EPS8: variants seen among roughly 807,000 people sequenced by gnomAD.
The protein encoded by EPS8 is epidermal growth factor receptor kinase substrate 8.
EPS8 carries 42 observed loss-of-function variants against 103.8 expected under a neutral mutation model. The observed-to-expected ratio is 0.40, with a 90% confidence interval of 0.32 to 0.52. The LOEUF (loss-of-function observed/expected upper bound fraction) is 0.52, where lower values mean the gene tolerates loss of function less well. Among genes scored for constraint, EPS8 ranks in the 20% least tolerant of loss-of-function variants. EPS8 has a pLI of 0.40. For missense variants in EPS8, 969 were observed against 1,005.1 expected, an observed-to-expected ratio of 0.96 and a Z score of 0.49; for synonymous variants, 344 against 344.6, an observed-to-expected ratio of 1.00 and a Z score of 0.02.
intron 1 of EPS8, among the ~76,000 whole-genome samples, chr12:15,689,458 G>A (rs78276556): frequency 3.8e-3 from 578 of 152,134 alleles, no homozygotes; most frequent in African/African-American, 0.013. Flanking sequence ...GTGGGAAGAT[G>A]GAAAAACATA....
At position 15,631,476 on chromosome 12, in the gene EPS8, T is replaced by C; in HGVS notation, c.2010A>G (p.Arg670=). Residue 670 remains arginine, a synonymous_variant, in exon 18 of 21, where the codon CGA becomes CGG. Transcript: ENST00000281172. ...GAAGTTGTTTGTGTCTCTGGCTGTC[T>C]CGCACGATACTGCCACCACTGTCAC... is the stretch of plus-strand genomic sequence containing the variant. ...SSSDSGGSIV[R]DSQRHKQLPV... 1 of 1,614,126 alleles carries C rather than the reference T, an allele frequency of 6.2e-7. No individual in the cohort carries two copies. Among genetic ancestry groups the C allele is most frequent in the Non-Finnish European group, 8.5e-7 (1 of 1,179,990 alleles).
intron 15 of EPS8, among the ~76,000 whole-genome samples, chr12:15,646,699 A>G (rs1335367576): frequency 6.6e-6 from 1 of 152,216 alleles, no homozygotes; most frequent in African/African-American, 2.4e-5. Context: ...TATTTAGTTT[A>G]TATTCAGTTT....
At chr12:15,663,947 T>TAAA (rs1945658286) in intron 8 of EPS8, among the ~76,000 whole-genome samples, 1 of 5,520 alleles carries the variant, frequency 1.8e-4, no homozygotes, top group Non-Finnish European at 4.8e-4. Context: ...AAAAAAAAAA[T>TAAA]AATATATATA....
At chr12:15,765,609 G>A (rs1271383030) in intron 1 of EPS8, among the ~76,000 whole-genome samples, 5 of 152,002 alleles carry the variant, frequency 3.3e-5, no homozygotes, top group African/African-American at 4.8e-5. Flanking sequence ...ATTATTGGGG[G>A]TAGAGAAGAA....
In EPS8 at chr12:15,700,924, A is replaced by T. The variant is rs955385389; in HGVS notation, c.-21-17952T>A. Among the ~76,000 whole-genome samples, 1 of 152,238 alleles carries T rather than the reference A, an allele frequency of 6.6e-6. No homozygotes were observed. The highest frequency in any genetic ancestry group is 1.5e-5 in the Non-Finnish European group (1 of 68,042). ...TAAACCCAGCCAGGTTTCAAAGTAA[A>T]GAACATTTTCATAAACATACGGTCA... On this transcript the variant is annotated intron_variant, in intron 1 of 20. Coordinates refer to ENST00000281172, the MANE Select transcript of EPS8 (RefSeq NM_004447.6). This position sits in a 1 kb window ranked among gnomAD's most constrained non-coding sequence, Gnocchi z 5.1.
In EPS8 at chr12:15,695,753, T is replaced by C. The variant is rs1345790147; in HGVS notation, c.-21-12781A>G. Among the ~76,000 whole-genome samples the C allele has an allele frequency of 2.0e-5, 3 of 152,026 alleles. No individual in the cohort carries two copies. On this transcript the variant is annotated intron_variant, in intron 1 of 20. Transcript: ENST00000281172. This position sits in a 1 kb window ranked among gnomAD's most constrained non-coding sequence, Gnocchi z 5.0. The stretch of plus-strand genomic sequence containing the variant: ...ACTTTGGGAGGCCGAGGTGGGTGGA[T>C]CACCTGAGGTCAGGAGTTTGAGACC...
At position 15,658,562 on chromosome 12, in the gene EPS8, T is replaced by A; in HGVS notation, c.961A>T (p.Lys321Ter). 1 of 1,613,220 alleles carries A rather than the reference T, an allele frequency of 6.2e-7. No homozygotes were observed. Among genetic ancestry groups the A allele is most frequent in the Non-Finnish European group, 8.5e-7 (1 of 1,179,320 alleles). ...PGEGVLTLRA[K>*]PPPPDEFLDC... ...AGAAATTCATCAGGAGGTGGAGGTT[T>A]TGCCCGCAGCGTTAAAACACCCTCT... Residue 321 changes from lysine to a stop codon, truncating the protein, a stop_gained, in exon 11 of 21, where the codon AAA becomes TAA. Coordinates refer to ENST00000281172, the MANE Select transcript of EPS8 (RefSeq NM_004447.6). LOFTEE classifies it high-confidence loss of function.
chr12:15,658,001 G>T, intron 12 of EPS8, 78 bp downstream of exon 12: 1 of 846,368 alleles, frequency 1.2e-6, no homozygotes. Flanking sequence ...AAGAAAAGCA[G>T]TCTAGATAAT....
At position 15,706,142 on chromosome 12, in the gene EPS8, G is replaced by C. The variant is rs1416157379; in HGVS notation, c.-21-23170C>G. ...CTCTCTAATTCTGCAAACCAGTATG[G>C]TAAACATCTTGTAAAATGGTCCCTC... On this transcript the variant is annotated intron_variant, in intron 1 of 20. Coordinates refer to ENST00000281172, the MANE Select transcript of EPS8 (RefSeq NM_004447.6). This position sits in a 1 kb window ranked among gnomAD's most constrained non-coding sequence, Gnocchi z 5.2. Among the ~76,000 whole-genome samples, 1 of 152,014 alleles carries C rather than the reference G, an allele frequency of 6.6e-6. No homozygotes were observed. The highest frequency in any genetic ancestry group is 6.6e-5 in the Admixed American group (1 of 15,264).
At chr12:15,783,715 T>TAAA (rs34686335) in intron 1 of EPS8, among the ~76,000 whole-genome samples, 20 of 95,288 alleles carry the variant, frequency 2.1e-4, no homozygotes, top group Admixed American at 3.7e-4. Flanking sequence ...TCTGAGTTAG[T>TAAA]AAAAAAAAAA....
intron 18 of EPS8, among the ~76,000 whole-genome samples, chr12:15,627,224 T>G (rs1170470785): frequency 6.6e-6 from 1 of 152,132 alleles, no homozygotes; most frequent in Non-Finnish European, 1.5e-5. Flanking sequence ...CAGGATGGTC[T>G]CAATCTCCTG....
chr12:15,663,952 T>TAATA lies in EPS8; in HGVS notation c.736+1803_736+1804insTATT, dbSNP rs1565487312. 1.2e-3 allele frequency among the ~76,000 whole-genome samples: 36 copies of TAATA among 31,004 alleles called. 1 individual carries two copies. The highest frequency in any genetic ancestry group is 9.5e-3 in the African/African-American group (35 of 3,678). The allele number at this position is 31,004 out of a possible 152,430, so 20.3% of individuals were successfully genotyped here. On this transcript the variant is annotated intron_variant, in intron 8 of 20. Transcript: ENST00000281172. ...AAAAAAAAAAAAAAAAAAAATAATA[T>TAATA]ATATATATATATATATATATATATA... is the stretch of plus-strand genomic sequence containing the variant.
At chr12:15,683,080 G>C (rs1479398197) in intron 1 of EPS8, 108 bp from the exon 2 acceptor site, 4 of 555,980 alleles carry the variant, frequency 7.2e-6, no homozygotes, top group Non-Finnish European at 1.2e-5. Flanking sequence ...AATTATAGTA[G>C]AAATGCAAAG....
intron 1 of EPS8, among the ~76,000 whole-genome samples, chr12:15,773,639 A>AATGTGATAT (rs1947177770): frequency 6.6e-6 from 1 of 152,186 alleles, no homozygotes; most frequent in Non-Finnish European, 1.5e-5. Flanking sequence ...TAGAAAGAAT[A>AATGTGATAT]ATGTGATATT....
At chr12:15,737,282 T>G (rs1946775998) in intron 1 of EPS8, among the ~76,000 whole-genome samples, 1 of 152,120 alleles carries the variant, frequency 6.6e-6, no homozygotes, top group Non-Finnish European at 1.5e-5. Flanking sequence ...GCTACTGAAG[T>G]TCAAAGCCTA....
chr12:15,663,944 A>AATAATAATAATAAT (rs869135353), intron 8 of EPS8, among the ~76,000 whole-genome samples: 27 of 85,960 alleles, frequency 3.1e-4, no homozygotes, highest in East Asian at 1.4e-3. Flanking sequence ...AAAAAAAAAA[A>AATAATAATAATAAT]AATAATATAT....
At chr12:15,659,319 C>T (rs1431391873) in intron 10 of EPS8, among the ~76,000 whole-genome samples, 1 of 151,776 alleles carries the variant, frequency 6.6e-6, no homozygotes, top group Admixed American at 6.6e-5. Context: ...AAAGTAGAGG[C>T]TTAAAGACTG....
chr12:15,678,863 G>A lies in EPS8; in HGVS notation c.136+2363C>T, dbSNP rs534003678. 7.1e-4 allele frequency among the ~76,000 whole-genome samples: 101 copies of A among 141,886 alleles called. 1 individual carries two copies. The highest frequency in any genetic ancestry group is 2.7e-3 in the African/African-American group (99 of 36,666). 93.1% of individuals were successfully genotyped at this position (141,886 alleles called of 152,430 possible). On this transcript the variant is annotated intron_variant, in intron 3 of 20. Transcript: ENST00000281172. ...CTGGAGGCGGAGGCTGCAGTGAGCC[G>A]AGATTGCACCAATGCACTCTAGCTT...
At chr12:15,644,792 CA>C (rs1565476069) in intron 15 of EPS8, among the ~76,000 whole-genome samples, 3 of 151,834 alleles carry the variant, frequency 2.0e-5, no homozygotes, top group African/African-American at 4.8e-5. Context: ...AGTTTAAGGT[CA>C]ACAATAATTA....
Sources: gnomAD v4.1 joint callset for allele counts (sites outside exome capture counted in the v4.1 genomes callset) on GRCh38, gnomAD v4.1.1 for gene constraint, Gnocchi (gnomAD v3.1) non-coding constraint, MANE v1.5 for transcripts, NCBI Gene and HGNC (gene_info 2026-07-23, HGNC 2026-07-21) for gene names.